PTPRD: variants seen among roughly 807,000 people sequenced by gnomAD.
PTPRD encodes the protein protein tyrosine phosphatase receptor type D, also known as receptor-type tyrosine-protein phosphatase delta.
In PTPRD, 34 loss-of-function variants were observed where a neutral mutation model predicts 214.5. That is an observed-to-expected ratio of 0.16 (90% CI 0.12 to 0.21). PTPRD has a LOEUF of 0.21. Among genes scored for constraint, PTPRD ranks in the 10% least tolerant of loss-of-function variants. PTPRD has a pLI of 1.00. For synonymous variants in PTPRD, 1,128 were observed against 845.7 expected (o/e 1.33, Z -5.79); for missense variants, 2,545 against 2,398.7 (o/e 1.06, Z -1.27).
intron 2 of PTPRD, among the ~76,000 whole-genome samples, chr9:10,553,037 GTCTGTGCC>G (rs1236280960): frequency 6.6e-6 from 1 of 152,174 alleles, no homozygotes; most frequent in East Asian, 1.9e-4. Context: ...AGCTGAGGCA[GTCTGTGCC>G]TCCAGTTGAC....
intron 4 of PTPRD, among the ~76,000 whole-genome samples, chr9:9,964,197 A>G (rs1301142616): frequency 1.3e-5 from 2 of 151,984 alleles, no homozygotes; most frequent in Admixed American, 6.6e-5. Context: ...GGGGGAAAAA[A>G]GAATCATCAA....
chr9:9,821,982 T>A (rs556515673), intron 5 of PTPRD, among the ~76,000 whole-genome samples: 116 of 150,848 alleles, frequency 7.7e-4, no homozygotes, highest in African/African-American at 2.4e-3. Flanking sequence ...ATAATTCAAA[T>A]CTGTGACTGA....
intron 10 of PTPRD, among the ~76,000 whole-genome samples, chr9:9,137,990 G>T (rs1028135897): frequency 6.6e-6 from 1 of 152,124 alleles, no homozygotes; most frequent in African/African-American, 2.4e-5. Flanking sequence ...AAACAGGTCA[G>T]AGATATTTAG....
intron 3 of PTPRD, among the ~76,000 whole-genome samples, chr9:10,181,442 T>C (rs1424573981): frequency 6.6e-6 from 1 of 152,144 alleles, no homozygotes; most frequent in East Asian, 1.9e-4. Flanking sequence ...TTTTTCTAAA[T>C]TCATTTATCT....
chr9:9,253,476 T>C (rs544653687), intron 9 of PTPRD, among the ~76,000 whole-genome samples: 9 of 149,360 alleles, frequency 6.0e-5, no homozygotes, highest in African/African-American at 1.9e-4. Flanking sequence ...TTGAATCATA[T>C]TTTTGAGCTT....
chr9:10,342,059 A>G lies in PTPRD; in HGVS notation c.-599-1042T>C, dbSNP rs556188961. Among the ~76,000 whole-genome samples, 24 of 152,202 alleles carry G rather than the reference A, an allele frequency of 1.6e-4. 1 individual carries two copies. Among genetic ancestry groups the G allele is most frequent in the Non-Finnish European group, 2.8e-4 (19 of 67,970 alleles). On this transcript the variant is annotated intron_variant, in intron 2 of 45. Coordinates refer to ENST00000381196, the MANE Select transcript of PTPRD (RefSeq NM_002839.4). ...GTGGTTCTTGGAATAAATTGCAATTAAAGGGATAGCACTTGATTGCTTGAC... is the reference window on the plus strand; with the variant it reads ...GTGGTTCTTGGAATAAATTGCAATTGAAGGGATAGCACTTGATTGCTTGAC...
intron 8 of PTPRD, among the ~76,000 whole-genome samples, chr9:9,527,884 T>C (rs1186657037): frequency 6.6e-6 from 1 of 152,218 alleles, no homozygotes; most frequent in African/African-American, 2.4e-5. Flanking sequence ...GGCTAGAATG[T>C]AATAACAAAG....
chr9:9,947,757 T>C (rs1192808756), intron 4 of PTPRD, among the ~76,000 whole-genome samples: 1 of 144,638 alleles, frequency 6.9e-6, no homozygotes, highest in Admixed American at 7.5e-5. Context: ...GAAGTTCATC[T>C]TCCAAGAGAC....
intron 10 of PTPRD, among the ~76,000 whole-genome samples, chr9:9,064,746 T>G (rs2099722523): frequency 6.6e-6 from 1 of 152,204 alleles, no homozygotes; most frequent in African/African-American, 2.4e-5. Context: ...TCGGTCAGAT[T>G]GATAAAAATC....
chr9:9,601,925 G>A (rs2093801892), intron 7 of PTPRD, among the ~76,000 whole-genome samples: 1 of 151,974 alleles, frequency 6.6e-6, no homozygotes, highest in South Asian at 2.1e-4. Flanking sequence ...ATAGACTCTT[G>A]GGTCACCATA....
intron 4 of PTPRD, among the ~76,000 whole-genome samples, chr9:10,019,377 T>G (rs199530551): frequency 2.6e-5 from 4 of 152,064 alleles, no homozygotes; most frequent in Admixed American, 6.6e-5. Flanking sequence ...GGCGATTCCT[T>G]AGGGATCTAG....
intron 39 of PTPRD, among the ~76,000 whole-genome samples, chr9:8,367,940 T>C (rs765513752): frequency 6.6e-6 from 1 of 152,008 alleles, no homozygotes; most frequent in Non-Finnish European, 1.5e-5. Flanking sequence ...GGAAATTGAG[T>C]CTTAGAAAGA....
intron 4 of PTPRD, among the ~76,000 whole-genome samples, chr9:9,979,278 T>C (rs1046502687): frequency 1.3e-5 from 2 of 152,052 alleles, no homozygotes; most frequent in Admixed American, 6.5e-5. Context: ...TGAATGATTA[T>C]GGCAATATTT....
intron 5 of PTPRD, among the ~76,000 whole-genome samples, chr9:9,877,034 T>C (rs2067086307): frequency 6.6e-6 from 1 of 152,168 alleles, no homozygotes; most frequent in Non-Finnish European, 1.5e-5. Context: ...CTCAAGCCAC[T>C]TATTTAAGCT....
intron 14 of PTPRD, among the ~76,000 whole-genome samples, chr9:8,540,800 G>A (rs1283425054): frequency 6.6e-6 from 1 of 152,146 alleles, no homozygotes; most frequent in African/African-American, 2.4e-5. Flanking sequence ...GTAAGGCAAT[G>A]GGAGCAAGAG....
chr9:10,274,669 T>A (rs1012804263), intron 3 of PTPRD, among the ~76,000 whole-genome samples: 2 of 152,216 alleles, frequency 1.3e-5, no homozygotes, highest in Admixed American at 1.3e-4. Flanking sequence ...TAAGGAATAA[T>A]GGAACTTAAT....
chr9:9,661,017 C>G (rs2096612533), intron 7 of PTPRD, among the ~76,000 whole-genome samples: 1 of 151,932 alleles, frequency 6.6e-6, no homozygotes, highest in African/African-American at 2.4e-5. Flanking sequence ...TCTAAATGTC[C>G]ATTTTTTGTT....
chr9:8,567,022 C>T (rs1378769140), intron 14 of PTPRD, among the ~76,000 whole-genome samples: 1 of 152,174 alleles, frequency 6.6e-6, no homozygotes, highest in Non-Finnish European at 1.5e-5. Context: ...AAAACCACCC[C>T]TCTCGAATGC....
chr9:9,068,100 A>AT (rs199697892), intron 10 of PTPRD, among the ~76,000 whole-genome samples: 1,982 of 152,072 alleles, frequency 0.013, 50 homozygotes, highest in African/African-American at 0.045. Flanking sequence ...CCTTTTTTAG[A>AT]TTTTTTTCTC....
Sources: allele counts gnomAD v4.1 joint callset (sites outside exome capture counted in the v4.1 genomes callset), GRCh38; gene constraint gnomAD v4.1.1; transcripts MANE v1.5; gene names NCBI Gene and HGNC (gene_info 2026-07-23, HGNC 2026-07-21).